Variants in ARPP21 observed in about 807,000 individuals in gnomAD.
The protein encoded by ARPP21 is cAMP regulated phosphoprotein 21.
ARPP21 carries 69 observed loss-of-function variants against 113.2 expected under a neutral mutation model. The observed-to-expected ratio is 0.61, with a 90% confidence interval of 0.50 to 0.74. The LOEUF is 0.74. Ranked by LOEUF, ARPP21 falls within the 30% of genes least tolerant of loss-of-function variation. The probability of loss-of-function intolerance (pLI) is 0.00; values close to 1 mark genes in which losing one functional copy is unlikely to be tolerated. For synonymous variants in ARPP21, 368 were observed against 375.5 expected, an observed-to-expected ratio of 0.98 and a Z score of 0.23; for missense variants, 1,070 against 1,037.4, an observed-to-expected ratio of 1.03 and a Z score of -0.43.
chr3:35,668,024 A>AAGAAGAAGG (rs1393582010), intron 1 of ARPP21, among the ~76,000 whole-genome samples: 2 of 135,848 alleles, frequency 1.5e-5, no homozygotes, highest in Non-Finnish European at 3.3e-5. Context: ...GAAGAAGAAG[A>AAGAAGAAGG]AGAAGAAGGA....
At chr3:35,744,059 T>TA in intron 19 of ARPP21, 94 bp downstream of exon 19, 1 of 1,328,684 alleles carries the variant, frequency 7.5e-7, no homozygotes, top group East Asian at 2.3e-5. Flanking sequence ...CTTGGCAATT[T>TA]AAACCAGCAC....
intron 5 of ARPP21, chr3:35,686,024 C>T (rs1469794779): frequency 1.3e-5 from 2 of 156,366 alleles, no homozygotes; most frequent in Non-Finnish European, 2.8e-5. Flanking sequence ...TCTTTAGCCT[C>T]TGCTCATGCA....
intron 15 of ARPP21, among the ~76,000 whole-genome samples, chr3:35,730,307 G>A (rs545971597): frequency 1.3e-5 from 2 of 152,306 alleles, no homozygotes; most frequent in South Asian, 2.1e-4. Flanking sequence ...AATTTGCAGG[G>A]GAAACTTCTC....
At chr3:35,751,745 G>C (rs1003409616) in intron 19 of ARPP21, among the ~76,000 whole-genome samples, 1 of 152,100 alleles carries the variant, frequency 6.6e-6, no homozygotes, top group Admixed American at 6.6e-5. Context: ...AGTCTCTCTT[G>C]TCAGAGCCAG....
At chr3:35,675,392 C>G (rs148435070) in intron 1 of ARPP21, among the ~76,000 whole-genome samples, 2 of 151,934 alleles carry the variant, frequency 1.3e-5, no homozygotes, top group African/African-American at 4.8e-5. Context: ...GGGAGCAGAG[C>G]CTTTGGCTTC....
chr3:35,643,433 G>A (rs1481231998), intron 1 of ARPP21, among the ~76,000 whole-genome samples: 1 of 152,058 alleles, frequency 6.6e-6, no homozygotes, highest in Admixed American at 6.5e-5. Context: ...TCTAGAGGAG[G>A]AAGACAATTC....
intron 8 of ARPP21, among the ~76,000 whole-genome samples, chr3:35,690,403 A>G (rs2081907438): frequency 1.3e-5 from 2 of 151,542 alleles, no homozygotes; most frequent in Non-Finnish European, 3.0e-5. Context: ...AGCTGTAACA[A>G]GAAGAGACCC....
At chr3:35,793,564 G>A (rs1198454374) in intron 20 of ARPP21, 137 bp from the exon 21 acceptor site, 6 of 653,160 alleles carry the variant, frequency 9.2e-6, no homozygotes, top group African/African-American at 1.8e-5. Context: ...TGAAACAGCC[G>A]ATAAATGGCA....
chr3:35,684,272 A>T, intron 5 of ARPP21: 1 of 1,180,084 alleles, frequency 8.5e-7, no homozygotes, highest in Non-Finnish European at 1.1e-6. Flanking sequence ...AATAAGGTGC[A>T]TTTAACTTTG....
At chr3:35,728,492 A>G (rs1271022950) in intron 14 of ARPP21, among the ~76,000 whole-genome samples, 8 of 150,246 alleles carry the variant, frequency 5.3e-5, no homozygotes, top group Non-Finnish European at 7.4e-5. Context: ...TGCTGGGATT[A>G]CAGGCGTGAA....
At chr3:35,791,358 T>C (rs1462134196) in intron 19 of ARPP21, among the ~76,000 whole-genome samples, 1 of 152,190 alleles carries the variant, frequency 6.6e-6, no homozygotes, top group African/African-American at 2.4e-5. Context: ...CAGAGAATTG[T>C]ATTAAGATAG....
chr3:35,713,671 A>C (rs986564531), intron 11 of ARPP21, among the ~76,000 whole-genome samples: 6 of 152,132 alleles, frequency 3.9e-5, no homozygotes, highest in Admixed American at 6.5e-5. Context: ...TGGGATTACA[A>C]GTGTGAGCCA....
intron 19 of ARPP21, among the ~76,000 whole-genome samples, chr3:35,781,275 GC>G (rs997698958): frequency 1.3e-5 from 2 of 152,144 alleles, no homozygotes. Context: ...GCCTTTGAAT[GC>G]CTTGAGTTGA....
intron 19 of ARPP21, among the ~76,000 whole-genome samples, chr3:35,789,850 T>A (rs1450617111): frequency 6.6e-6 from 1 of 152,196 alleles, no homozygotes. Context: ...TTTCTGAATG[T>A]CTTAACAGCT....
rs933820148 is a variant in ARPP21, at chr3:35,740,956, G to C, written c.2010+1379G>C. Among the ~76,000 whole-genome samples, 9 of 151,850 alleles carry C rather than the reference G, an allele frequency of 5.9e-5. No individual in the cohort carries two copies. The South Asian group carries it at 1.7e-3, about 28-fold the overall frequency. On this transcript the variant is annotated intron_variant, in intron 18 of 20. Transcript: ENST00000684406. The stretch of plus-strand genomic sequence containing the variant: ...CTGCAAAGAATTAAAAAAAAAAATA[G>C]CTGGGTGTGGTGGCACATTCTTGTG...
At chr3:35,679,176 C>G (rs1195599908) in intron 1 of ARPP21, among the ~76,000 whole-genome samples, 1 of 151,874 alleles carries the variant, frequency 6.6e-6, no homozygotes, top group South Asian at 2.1e-4. Context: ...TGTGTTCACC[C>G]TGCAACAAGA....
intron 1 of ARPP21, among the ~76,000 whole-genome samples, chr3:35,661,615 G>T (rs747889702): frequency 6.6e-6 from 1 of 152,068 alleles, no homozygotes; most frequent in African/African-American, 2.4e-5. Flanking sequence ...TCTTATGACC[G>T]GCTATAAAAT....
At chr3:35,666,732 C>A (rs905190440) in intron 1 of ARPP21, among the ~76,000 whole-genome samples, 1 of 152,032 alleles carries the variant, frequency 6.6e-6, no homozygotes, top group Non-Finnish European at 1.5e-5. Context: ...ATATTTCAAC[C>A]ACAAACATGC....
At chr3:35,676,974 T>C (rs917016514) in intron 1 of ARPP21, among the ~76,000 whole-genome samples, 5 of 151,922 alleles carry the variant, frequency 3.3e-5, no homozygotes, top group Admixed American at 6.6e-5. Context: ...TACAGAACCA[T>C]GCCCAGCTTA....
Sources: gnomAD v4.1 joint callset for allele counts (sites outside exome capture counted in the v4.1 genomes callset) on GRCh38, gnomAD v4.1.1 for gene constraint, MANE v1.5 for transcripts, NCBI Gene and HGNC (gene_info 2026-07-23, HGNC 2026-07-21) for gene names.